SLCO3A1: variants seen among roughly 807,000 people sequenced by gnomAD.
SLCO3A1 encodes solute carrier organic anion transporter family member 3A1.
A neutral mutation model predicts 63.1 loss-of-function variants in SLCO3A1; 27 were observed. That is an observed-to-expected ratio of 0.43 (90% CI 0.32 to 0.59). The LOEUF is 0.59. Among genes scored for constraint, SLCO3A1 ranks in the 20% least tolerant of loss-of-function variants. The pLI is 0.09. For missense variants in SLCO3A1, 773 were observed against 945.8 expected, an observed-to-expected ratio of 0.82 and a Z score of 2.40; for synonymous variants, 473 against 409.9, an observed-to-expected ratio of 1.15 and a Z score of -1.86.
At position 92,163,732 on chromosome 15, in the gene SLCO3A1, G is replaced by A. The variant is rs911966556; in HGVS notation, c.*597G>A. The A allele has an allele frequency of 5.1e-6, 5 of 985,252 alleles. No individual in the cohort carries two copies. The highest frequency in any genetic ancestry group is 6.0e-6 in the Non-Finnish European group (5 of 829,968). The allele number at this position is 985,252 out of a possible 1,614,324, so 61.0% of individuals were successfully genotyped here. The stretch of plus-strand genomic sequence containing the variant: ...GGTCACTGTGTAGACGACTCACCCA[G>A]TCTGCATGTGGTTCAAGGCCCCAGA... On this transcript the variant is annotated 3_prime_UTR_variant, in exon 10 of 10. Transcript: ENST00000318445.
intron 9 of SLCO3A1, among the ~76,000 whole-genome samples, chr15:92,156,808 T>C (rs1186665958): frequency 1.3e-5 from 2 of 152,222 alleles, no homozygotes; most frequent in Non-Finnish European, 2.9e-5. Context: ...GATATCTTTT[T>C]AAATGTAAGT....
At chr15:91,887,611 G>C (rs1355974634) in intron 1 of SLCO3A1, among the ~76,000 whole-genome samples, 1 of 152,234 alleles carries the variant, frequency 6.6e-6, no homozygotes, top group African/African-American at 2.4e-5. Context: ...GCCCCGCAGA[G>C]GTGATTGGCC....
intron 2 of SLCO3A1, among the ~76,000 whole-genome samples, chr15:92,065,169 G>C (rs2047135347): frequency 6.6e-6 from 1 of 152,150 alleles, no homozygotes; most frequent in Admixed American, 6.5e-5. Flanking sequence ...TGCAACCTCT[G>C]CCTTCCGGGT....
chr15:92,115,579 A>G (rs1352229114), intron 4 of SLCO3A1, among the ~76,000 whole-genome samples: 1 of 152,012 alleles, frequency 6.6e-6, no homozygotes. Flanking sequence ...TTTCATCTTT[A>G]TAGCAGTCTG....
intron 2 of SLCO3A1, among the ~76,000 whole-genome samples, chr15:91,956,668 C>T (rs1567036809): frequency 6.6e-6 from 1 of 151,862 alleles, no homozygotes; most frequent in Non-Finnish European, 1.5e-5. Context: ...CCTAAAACCC[C>T]CGACACCATT....
chr15:91,923,552 G>A (rs768568381), intron 2 of SLCO3A1, among the ~76,000 whole-genome samples: 5 of 152,216 alleles, frequency 3.3e-5, no homozygotes, highest in Non-Finnish European at 7.3e-5. Flanking sequence ...GCCCCAGTGT[G>A]ATGTATGGAT....
chr15:92,008,976 A>G (rs75501842), intron 2 of SLCO3A1, among the ~76,000 whole-genome samples: 1,872 of 152,316 alleles, frequency 0.012, 41 homozygotes, highest in African/African-American at 0.042. Flanking sequence ...ATGATTTTGT[A>G]TCATATTGTA....
Position 92,128,336 on chromosome 15 carries a change from T to A in SLCO3A1, c.1374-15T>A. ...ACCTGTTTCTAATGGCTTCCGTGTT[T>A]CCTTTCTTTTCCAGCACAGCACCTG... On this transcript the variant is annotated splice_polypyrimidine_tract_variant and intron_variant, in intron 6 of 9. Transcript: ENST00000318445. 2 of 1,613,336 alleles carry A rather than the reference T, an allele frequency of 1.2e-6. No individual in the cohort carries two copies. Among genetic ancestry groups the A allele is most frequent in the Non-Finnish European group, 8.5e-7 (1 of 1,179,772 alleles).
intron 3 of SLCO3A1, among the ~76,000 whole-genome samples, chr15:92,095,792 T>G (rs2151537730): frequency 6.6e-6 from 1 of 152,296 alleles, no homozygotes; most frequent in Admixed American, 6.5e-5. Context: ...ATAAGCATTC[T>G]CAGCCCCCCA....
chr15:91,947,246 C>T (rs890570991), intron 2 of SLCO3A1, among the ~76,000 whole-genome samples: 1 of 152,174 alleles, frequency 6.6e-6, no homozygotes, highest in Non-Finnish European at 1.5e-5. Flanking sequence ...TGTCGAGGAC[C>T]GTCTTTTCCG....
intron 1 of SLCO3A1, among the ~76,000 whole-genome samples, chr15:91,907,308 C>T (rs1898339279): frequency 6.6e-6 from 1 of 151,902 alleles, no homozygotes; most frequent in Non-Finnish European, 1.5e-5. Context: ...GGGGTTCAAG[C>T]AATTCTCCTG....
At chr15:92,075,975 G>A (rs191156592) in intron 2 of SLCO3A1, among the ~76,000 whole-genome samples, 2 of 152,354 alleles carry the variant, frequency 1.3e-5, no homozygotes, top group East Asian at 3.9e-4. Flanking sequence ...AGGAAATGAA[G>A]TTGGTCTGGC....
chr15:91,893,826 A>C (rs1380253365), intron 1 of SLCO3A1, among the ~76,000 whole-genome samples: 3 of 152,228 alleles, frequency 2.0e-5, no homozygotes, highest in Non-Finnish European at 4.4e-5. Flanking sequence ...GTTATACATC[A>C]GTTACTCTTC....
At position 92,013,809 on chromosome 15, in the gene SLCO3A1, G is replaced by A. The variant is rs144139664; in HGVS notation, c.647-81072G>A. On this transcript the variant is annotated intron_variant, in intron 2 of 9. Transcript: ENST00000318445. Reference sequence around the variant, plus strand: ...TGTGGGGTTTAATTCCTGGACCTGCGCCATGCAGTTCAGTGACTGGACAAG... The same window carrying A: ...TGTGGGGTTTAATTCCTGGACCTGCACCATGCAGTTCAGTGACTGGACAAG... Among the ~76,000 whole-genome samples, 321 of 152,238 alleles carry A rather than the reference G, an allele frequency of 2.1e-3. 1 individual carries two copies. Among genetic ancestry groups the A allele is most frequent in the African/African-American group, 7.3e-3 (305 of 41,540 alleles).
At position 91,941,414 on chromosome 15, in the gene SLCO3A1, G is replaced by T. The variant is rs546049820; in HGVS notation, c.646+24956G>T. 1.3e-4 allele frequency: 53 copies of T among 406,522 alleles called. 1 individual carries two copies. Among genetic ancestry groups the T allele is most frequent in the South Asian group, 9.6e-4 (53 of 55,358 alleles). 25.2% of individuals were successfully genotyped at this position (406,522 alleles called of 1,614,324 possible). On this transcript the variant is annotated intron_variant, in intron 2 of 9. Coordinates refer to ENST00000318445, the MANE Select transcript of SLCO3A1 (RefSeq NM_013272.4). This position sits in a 1 kb window ranked among gnomAD's most constrained non-coding sequence, Gnocchi z 4.4. ...GCCACCCAGCAGATCTGTGTCACGG[G>T]AGTGGCGCTGTCACTCGTTGAGGTG...
chr15:92,150,799 A>G (rs956507727), intron 8 of SLCO3A1, 151 bp from the exon 9 acceptor site: 1 of 509,208 alleles, frequency 2.0e-6, no homozygotes, highest in African/African-American at 1.9e-5. Flanking sequence ...GAAAAAAAAA[A>G]AGACACTATT....
rs1896834880 is a variant in SLCO3A1, at chr15:91,853,737, G to A, written c.-172G>A. 1.7e-6 allele frequency: 1 copy of A among 579,396 alleles called. No individual in the cohort carries two copies. Among genetic ancestry groups the A allele is most frequent in the East Asian group, 1.0e-4 (1 of 9,882 alleles). The allele number at this position is 579,396 out of a possible 1,614,324, so 35.9% of individuals were successfully genotyped here. A position where few individuals can be genotyped will look rare whatever the true frequency, so the allele number is the denominator to read the frequency against. On this transcript the variant is annotated 5_prime_UTR_variant, in exon 1 of 10. Transcript: ENST00000318445. ...TCGCGGCGGCGGCGGCGGCGGCGAGGAGCTGTGCCTTCCACCTCTCCAGCC... is the reference window on the plus strand; with the variant it reads ...TCGCGGCGGCGGCGGCGGCGGCGAGAAGCTGTGCCTTCCACCTCTCCAGCC...
intron 2 of SLCO3A1, among the ~76,000 whole-genome samples, chr15:91,929,090 TC>T: frequency 6.6e-6 from 1 of 152,120 alleles, no homozygotes; most frequent in East Asian, 1.9e-4. Flanking sequence ...GATAATGTAA[TC>T]CCCAAGACCT....
intron 1 of SLCO3A1, among the ~76,000 whole-genome samples, chr15:91,864,283 T>C (rs7163431): frequency 0.07 from 10,663 of 152,248 alleles, 1,159 homozygotes; most frequent in African/African-American, 0.24. Context: ...GGGCACAGAA[T>C]TGAGGCATTT....
Sources: gnomAD v4.1 joint callset for allele counts (sites outside exome capture counted in the v4.1 genomes callset) on GRCh38, gnomAD v4.1.1 for gene constraint, Gnocchi (gnomAD v3.1) non-coding constraint, MANE v1.5 for transcripts, NCBI Gene and HGNC (gene_info 2026-07-23, HGNC 2026-07-21) for gene names.